The following CACNG6 variants were observed in gnomAD, a reference collection of about 807,000 sequenced individuals.
The protein encoded by CACNG6 is voltage-dependent calcium channel gamma-6 subunit.
In CACNG6, 21 loss-of-function variants were observed where a neutral mutation model predicts 23.9. The ratio of observed to expected loss-of-function variants is 0.88; its 90% confidence interval spans 0.62 to 1.26. CACNG6 has a LOEUF of 1.26. CACNG6 is among the 50% of genes most tolerant of loss of function. The pLI is 0.00. For synonymous variants in CACNG6, 182 were observed against 168.9 expected, an observed-to-expected ratio of 1.08 and a Z score of -0.60; for missense variants, 340 against 352.9, an observed-to-expected ratio of 0.96 and a Z score of 0.29.
chr19:54,005,536 T>G (rs307967), intron 3 of CACNG6, among the ~76,000 whole-genome samples: 103,292 of 151,578 alleles, frequency 0.68, 35,497 homozygotes, highest in East Asian at 0.95. Context: ...CGGGCAGATC[T>G]CAGGATTAGG....
chr19:54,011,223 T>TACACACACAC (rs1156440499), intron 3 of CACNG6, among the ~76,000 whole-genome samples: 30 of 108,662 alleles, frequency 2.8e-4, no homozygotes, highest in East Asian at 1.4e-3. Context: ...TATATATATA[T>TACACACACAC]ATATACACAC....
rs1237864026 is a variant in CACNG6, at chr19:53,991,944, T to C, written c.-934T>C. ...AGCCGCAGTGCGGACCACAGCCCCA[T>C]AGTGTGAGCCCCAGGAGGGCCCCCG... On this transcript the variant is annotated 5_prime_UTR_variant, in exon 1 of 4. Transcript: ENST00000252729. Among the ~76,000 whole-genome samples the C allele has an allele frequency of 1.3e-5, 2 of 151,948 alleles. No individual in the cohort carries two copies. The highest frequency in any genetic ancestry group is 2.9e-5 in the Non-Finnish European group (2 of 67,958).
At chr19:53,994,536 A>C (rs1314288344) in intron 1 of CACNG6, among the ~76,000 whole-genome samples, 2 of 152,066 alleles carry the variant, frequency 1.3e-5, no homozygotes, top group African/African-American at 2.4e-5. Flanking sequence ...CCACTGACCC[A>C]TGGAAAATAC....
In CACNG6 at chr19:53,992,083, C is replaced by A. The variant is rs1324579442; in HGVS notation, c.-795C>A. ...GCTCAGTAGAGACCTCGGATCTTTT[C>A]TGAATGGCAGGGGAGACCCCTATCC... On this transcript the variant is annotated 5_prime_UTR_variant, in exon 1 of 4. It adds an upstream start codon to the 5' untranslated region. Coordinates refer to ENST00000252729, the MANE Select transcript of CACNG6 (RefSeq NM_145814.2). This position sits in a 1 kb window ranked among gnomAD's most constrained non-coding sequence, Gnocchi z 4.1. Among the ~76,000 whole-genome samples, 1 of 152,180 alleles carries A rather than the reference C, an allele frequency of 6.6e-6. No individual in the cohort carries two copies. The highest frequency in any genetic ancestry group is 2.4e-5 in the African/African-American group (1 of 41,450).
intron 3 of CACNG6, among the ~76,000 whole-genome samples, chr19:54,001,215 T>C (rs2069572133): frequency 6.8e-6 from 1 of 148,146 alleles, no homozygotes; most frequent in Non-Finnish European, 1.5e-5. Flanking sequence ...TGAGACAGAG[T>C]TTCGCTCTTG....
chr19:53,997,929 C>T (rs2069536409), intron 1 of CACNG6, among the ~76,000 whole-genome samples: 1 of 152,134 alleles, frequency 6.6e-6, no homozygotes, highest in African/African-American at 2.4e-5. Context: ...CCTCAACAAA[C>T]CCATACGAAG....
At chr19:54,011,227 T>TATACACACACACACACACACAC (rs1442985544) in intron 3 of CACNG6, among the ~76,000 whole-genome samples, 20 of 95,276 alleles carry the variant, frequency 2.1e-4, no homozygotes, top group African/African-American at 1.2e-3. Context: ...TATATATATA[T>TATACACACACACACACACACAC]ACACACACAC....
rs201779831 is a variant in CACNG6 at position 53,996,387 on chromosome 19, T to TTC, written c.332-1840_332-1839dup. Among the ~76,000 whole-genome samples, 38 of 130,414 alleles carry TTC rather than the reference T, an allele frequency of 2.9e-4. No homozygotes were observed. The East Asian group carries it at 7.8e-3, about 27-fold the overall frequency. 85.6% of individuals were successfully genotyped at this position (130,414 alleles called of 152,430 possible). ...TTTCTGTCTTTCTTAACTTTAAAAT[T>TTC]TCTCTCTCTCTCTTTTTTTTTTTGA... On this transcript the variant is annotated intron_variant, in intron 1 of 3. Transcript: ENST00000252729.
rs1236686477 is a variant in CACNG6 at position 53,998,372 on chromosome 19, G to A, written c.406+59G>A. 2.0e-6 allele frequency: 3 copies of A among 1,493,168 alleles called. No individual in the cohort carries two copies. In the African/African-American group the frequency reaches 4.2e-5, roughly 21 times the overall value. The allele number at this position is 1,493,168 out of a possible 1,614,324, so 92.5% of individuals were successfully genotyped here. Reference sequence around the variant, plus strand: ...TGGGGGAAATGCTGAGCGTGCTGGAGGAGTTCTAGAGAGAGTTATCCCCTC... The same window carrying A: ...TGGGGGAAATGCTGAGCGTGCTGGAAGAGTTCTAGAGAGAGTTATCCCCTC... On this transcript the variant is annotated intron_variant, in intron 2 of 3. Transcript: ENST00000252729.
At chr19:54,005,066 G>A (rs1215967834) in intron 3 of CACNG6, among the ~76,000 whole-genome samples, 2 of 151,086 alleles carry the variant, frequency 1.3e-5, no homozygotes, top group Non-Finnish European at 1.5e-5. Context: ...AAAATCAGCC[G>A]GGCGTGGTGG....
chr19:54,004,336 TGTGTGTGTGTGTG>T lies in CACNG6; in HGVS notation c.544+4566_544+4578del, dbSNP rs1267863507. ...CCACGCCTGGTTAATTTTGTATTTT[TGTGTGTGTGTGTG>T]TGTGTGTGTGTGTGTGTGTGTGTGT... is the stretch of plus-strand genomic sequence containing the variant. On this transcript the variant is annotated intron_variant, in intron 3 of 3. Coordinates refer to ENST00000252729, the MANE Select transcript of CACNG6 (RefSeq NM_145814.2). Among the ~76,000 whole-genome samples the T allele has an allele frequency of 2.6e-3, 77 of 29,736 alleles. 1 individual carries two copies. The highest frequency in any genetic ancestry group is 4.1e-3 in the African/African-American group (76 of 18,756). The allele number at this position is 29,736 out of a possible 152,430, so 19.5% of individuals were successfully genotyped here. A position where few individuals can be genotyped will look rare whatever the true frequency, so the allele number is the denominator to read the frequency against.
intron 3 of CACNG6, 53 bp downstream of exon 3, chr19:53,999,824 A>C: frequency 6.3e-7 from 1 of 1,598,108 alleles, no homozygotes; most frequent in Non-Finnish European, 8.5e-7. Flanking sequence ...GAGGATCTCC[A>C]GGCACTGTTG....
intron 3 of CACNG6, among the ~76,000 whole-genome samples, chr19:54,003,527 A>AT (rs1292758591): frequency 4.6e-5 from 7 of 151,832 alleles, no homozygotes; most frequent in African/African-American, 1.5e-4. Context: ...CACCTGGCTA[A>AT]GTTTTGTATT....
Position 53,992,916 on chromosome 19 carries a change from G to A in CACNG6, c.39G>A (p.Arg13=). The A allele has an allele frequency of 7.1e-7, 1 of 1,403,866 alleles. No homozygotes were observed. Among genetic ancestry groups the A allele is most frequent in the South Asian group, 1.9e-5 (1 of 52,080 alleles). The allele number at this position is 1,403,866 out of a possible 1,614,324, so 87.0% of individuals were successfully genotyped here. A position where few individuals can be genotyped will look rare whatever the true frequency, so the allele number is the denominator to read the frequency against. Residue 13 remains arginine, a synonymous_variant, in exon 1 of 4, where the codon CGG becomes CGA. Transcript: ENST00000252729. This position sits in a 1 kb window ranked among gnomAD's most constrained non-coding sequence, Gnocchi z 4.1. ...WSNFFLQEEN[R]RRGAAGRRRA... Reference sequence around the variant, plus strand: ...ACTTCTTCCTGCAAGAGGAGAACCGGCGGCGGGGGGCCGCGGGCCGGCGGC... The same window carrying A: ...ACTTCTTCCTGCAAGAGGAGAACCGACGGCGGGGGGCCGCGGGCCGGCGGC...
At chr19:54,009,699 T>C (rs2069683605) in intron 3 of CACNG6, among the ~76,000 whole-genome samples, 1 of 151,988 alleles carries the variant, frequency 6.6e-6, no homozygotes, top group South Asian at 2.1e-4. Context: ...TTGTTTACTG[T>C]CTATCTCCAA....
intron 3 of CACNG6, among the ~76,000 whole-genome samples, chr19:54,001,271 C>T (rs2069572891): frequency 6.6e-6 from 1 of 151,972 alleles, no homozygotes; most frequent in Non-Finnish European, 1.5e-5. Context: ...TCACTGCAAC[C>T]TCCGCCTCTC....
At chr19:54,006,868 T>C (rs2069653866) in intron 3 of CACNG6, among the ~76,000 whole-genome samples, 1 of 151,024 alleles carries the variant, frequency 6.6e-6, no homozygotes, top group Non-Finnish European at 1.5e-5. Flanking sequence ...TATTTTATTT[T>C]ATTTTATTTT....
intron 3 of CACNG6, among the ~76,000 whole-genome samples, chr19:54,002,756 A>G (rs1401146022): frequency 1.3e-5 from 2 of 152,130 alleles, no homozygotes; most frequent in African/African-American, 2.4e-5. Flanking sequence ...AGATTGTACA[A>G]CCAATTGAGA....
chr19:53,993,311 G>C, intron 1 of CACNG6, 103 bp downstream of exon 1: 1 of 1,210,782 alleles, frequency 8.3e-7, no homozygotes. Flanking sequence ...AAAAGCCTGA[G>C]CCCGGAGGAG....
Sources: gnomAD v4.1 joint callset for allele counts (sites outside exome capture counted in the v4.1 genomes callset) on GRCh38, gnomAD v4.1.1 for gene constraint, Gnocchi (gnomAD v3.1) non-coding constraint, MANE v1.5 for transcripts, NCBI Gene and HGNC (gene_info 2026-07-23, HGNC 2026-07-21) for gene names.